Variants in CLDN14 observed in about 807,000 individuals in gnomAD.
CLDN14 encodes the protein claudin 14.
CLDN14 carries 2 observed loss-of-function variants against 2.1 expected under a neutral mutation model. That is an observed-to-expected ratio of 0.96 (90% CI 0.39 to 3.01). The LOEUF is 3.01. CLDN14 is among the 30% of genes most tolerant of loss of function. The pLI is 0.09. For synonymous variants in CLDN14, 136 were observed against 154.4 expected (o/e 0.88, Z 0.88); for missense variants, 298 against 328.0 (o/e 0.91, Z 0.71).
At chr21:36,523,665 T>C (rs1449167979) in intron 1 of CLDN14, among the ~76,000 whole-genome samples, 2 of 150,200 alleles carry the variant, frequency 1.3e-5, no homozygotes, top group East Asian at 2.0e-4. Context: ...GGAGAATCGC[T>C]TGGACCCGGG....
chr21:36,537,438 G>A (rs943169186), intron 1 of CLDN14, among the ~76,000 whole-genome samples: 18 of 152,122 alleles, frequency 1.2e-4, no homozygotes, highest in Non-Finnish European at 7.3e-5. Context: ...TATAAAAGAT[G>A]TTTTGGATGC....
chr21:36,464,569 G>A (rs952314714), intron 1 of CLDN14, among the ~76,000 whole-genome samples: 6 of 152,200 alleles, frequency 3.9e-5, no homozygotes, highest in Non-Finnish European at 7.3e-5. Flanking sequence ...GACCGGGGCC[G>A]GCTGTCCTAT....
chr21:36,562,411 T>C (rs1181588226), intron 1 of CLDN14, among the ~76,000 whole-genome samples: 1 of 152,198 alleles, frequency 6.6e-6, no homozygotes, highest in Non-Finnish European at 1.5e-5. Context: ...TTTGTAATTC[T>C]GCACCCAGCT....
rs77823828 is a variant in CLDN14, at chr21:36,524,405, A to G, written c.-219-13905T>C. 2.8e-3 allele frequency among the ~76,000 whole-genome samples: 428 copies of G among 152,354 alleles called. 5 individuals are homozygous for G. The highest frequency in any genetic ancestry group is 9.9e-3 in the African/African-American group (412 of 41,592). On this transcript the variant is annotated intron_variant, in intron 1 of 2. Transcript: ENST00000342108. ...CCAAAGTGCAGGGATAACAGGCATG[A>G]GCCACGGCGCCTGGCCTGCCTCAGA...
chr21:36,506,380 T>G (rs1487307232), intron 2 of CLDN14, among the ~76,000 whole-genome samples: 1 of 152,146 alleles, frequency 6.6e-6, no homozygotes, highest in Non-Finnish European at 1.5e-5. Context: ...GTGGATCACC[T>G]GAGGTCAGAA....
chr21:36,525,585 G>A (rs1402892308), intron 1 of CLDN14, among the ~76,000 whole-genome samples: 1 of 152,138 alleles, frequency 6.6e-6, no homozygotes, highest in Non-Finnish European at 1.5e-5. Flanking sequence ...CCAGACAAAG[G>A]AACTTTTGGA....
At chr21:36,508,620 T>A (rs546117250) in intron 2 of CLDN14, among the ~76,000 whole-genome samples, 14 of 152,038 alleles carry the variant, frequency 9.2e-5, no homozygotes, top group South Asian at 8.3e-4. Context: ...TCCTCTACAG[T>A]GGTCAGAGGG....
chr21:36,488,971 G>A (rs2086929310), intron 2 of CLDN14, among the ~76,000 whole-genome samples: 1 of 151,426 alleles, frequency 6.6e-6, no homozygotes. Context: ...TTAGCTGGGT[G>A]TGGTGGCATG....
chr21:36,509,330 T>C (rs950000909), intron 2 of CLDN14, among the ~76,000 whole-genome samples: 8 of 152,160 alleles, frequency 5.3e-5, no homozygotes, highest in African/African-American at 1.7e-4. Flanking sequence ...TGGCTCTTTG[T>C]GTTGCTTTGG....
At chr21:36,501,368 T>A (rs1256072617) in intron 2 of CLDN14, among the ~76,000 whole-genome samples, 1 of 117,778 alleles carries the variant, frequency 8.5e-6, no homozygotes, top group Non-Finnish European at 1.7e-5. Context: ...TTTTTTTTTT[T>A]AGAAAAGTGA....
chr21:36,533,100 A>G (rs1313409822), intron 1 of CLDN14, among the ~76,000 whole-genome samples: 1 of 152,184 alleles, frequency 6.6e-6, no homozygotes, highest in Non-Finnish European at 1.5e-5. Context: ...TCCAGAGCGT[A>G]GCCACGAACT....
At chr21:36,483,193 C>T (rs1348833555), upstream of CLDN14, among the ~76,000 whole-genome samples, 1 of 152,236 alleles carries the variant, frequency 6.6e-6, no homozygotes, top group Non-Finnish European at 1.5e-5. Flanking sequence ...CCCCAAGGCC[C>T]CACTGCAGCC....
intron 1 of CLDN14, among the ~76,000 whole-genome samples, chr21:36,557,723 C>T (rs1439670664): frequency 6.6e-6 from 1 of 152,166 alleles, no homozygotes; most frequent in Non-Finnish European, 1.5e-5. Context: ...TATTTCCTCC[C>T]ATTCTCTACG....
intron 1 of CLDN14, among the ~76,000 whole-genome samples, chr21:36,569,351 G>T (rs1043017507): frequency 6.6e-5 from 10 of 152,062 alleles, no homozygotes; most frequent in Non-Finnish European, 1.5e-4. Context: ...GGGAGGCAAA[G>T]GTTGCAGTGA....
At chr21:36,473,346 C>T (rs769112892) in intron 1 of CLDN14, among the ~76,000 whole-genome samples, 4 of 152,052 alleles carry the variant, frequency 2.6e-5, no homozygotes, top group Admixed American at 6.5e-5. Flanking sequence ...CTTGGCCTCC[C>T]AAGGCTGTTG....
chr21:36,476,774 TCTC>T (rs1406127403), intron 1 of CLDN14, among the ~76,000 whole-genome samples: 1 of 152,144 alleles, frequency 6.6e-6, no homozygotes, highest in Non-Finnish European at 1.5e-5. Context: ...TGAAAACAAA[TCTC>T]CTCCTGGCCC....
intron 1 of CLDN14, among the ~76,000 whole-genome samples, chr21:36,471,179 A>G (rs2086706137): frequency 6.6e-6 from 1 of 151,972 alleles, no homozygotes; most frequent in Non-Finnish European, 1.5e-5. Context: ...GCCATTCCTG[A>G]GCAGCATAGT....
At chr21:36,482,403 T>C (rs766573569), upstream of CLDN14, among the ~76,000 whole-genome samples, 15 of 136,996 alleles carry the variant, frequency 1.1e-4, no homozygotes, top group Non-Finnish European at 1.8e-4. Flanking sequence ...GATGGATGGA[T>C]GGATAGACGG....
chr21:36,534,643 C>A (rs901118379), intron 1 of CLDN14, among the ~76,000 whole-genome samples: 1 of 152,114 alleles, frequency 6.6e-6, no homozygotes, highest in African/African-American at 2.4e-5. Flanking sequence ...CAGCGAGGCG[C>A]ACACCTGGCC....
Sources: gnomAD v4.1 joint callset for allele counts (sites outside exome capture counted in the v4.1 genomes callset) on GRCh38, gnomAD v4.1.1 for gene constraint, MANE v1.5 for transcripts, NCBI Gene and HGNC (gene_info 2026-07-23, HGNC 2026-07-21) for gene names.